Variants in CDH13 observed in about 807,000 individuals in gnomAD.
CDH13 encodes cadherin-13.
In CDH13, 24 loss-of-function variants were observed where a neutral mutation model predicts 63.8. The observed-to-expected ratio is 0.38, with a 90% confidence interval of 0.27 to 0.53. CDH13 has a LOEUF of 0.53. Ranked by LOEUF, CDH13 falls within the 20% of genes least tolerant of loss-of-function variation. CDH13 has a pLI of 0.85. For synonymous variants in CDH13, 503 were observed against 355.3 expected (o/e 1.42, Z -4.67); for missense variants, 1,049 against 903.1 (o/e 1.16, Z -2.07).
intron 5 of CDH13, among the ~76,000 whole-genome samples, chr16:83,238,508 G>A (rs1334365349): frequency 1.3e-5 from 2 of 152,200 alleles, no homozygotes; most frequent in Non-Finnish European, 2.9e-5. Context: ...ATTTGGGTCA[G>A]GACACAGCCA....
At chr16:83,115,337 T>A (rs1348768022) in intron 3 of CDH13, among the ~76,000 whole-genome samples, 1 of 152,198 alleles carries the variant, frequency 6.6e-6, no homozygotes. Flanking sequence ...GCACTGTGCC[T>A]GGCATGTAAT....
At chr16:83,725,410 TCCA>T (rs1198787426) in intron 10 of CDH13, 1 of 152,342 alleles carries the variant, frequency 6.6e-6, no homozygotes, top group African/African-American at 2.4e-5. Flanking sequence ...TACCTCTGTC[TCCA>T]CCTCCTCCAG....
chr16:82,856,650 C>A (rs2039708912), intron 1 of CDH13, among the ~76,000 whole-genome samples: 1 of 115,806 alleles, frequency 8.6e-6, no homozygotes, highest in African/African-American at 3.4e-5. Flanking sequence ...TGCAGTGAGC[C>A]ACAGTTGCAC....
At chr16:83,008,613 T>A (rs1216403734) in intron 2 of CDH13, among the ~76,000 whole-genome samples, 4 of 152,170 alleles carry the variant, frequency 2.6e-5, no homozygotes, top group Non-Finnish European at 5.9e-5. Flanking sequence ...ATGTTATACT[T>A]GGACCTTTGC....
intron 10 of CDH13, among the ~76,000 whole-genome samples, chr16:83,701,665 C>T (rs1045041959): frequency 1.1e-4 from 16 of 152,176 alleles, no homozygotes; most frequent in African/African-American, 3.9e-4. Flanking sequence ...CCCAACAACC[C>T]CTGCGCCCTT....
At chr16:83,562,712 T>C (rs1247641629) in intron 7 of CDH13, among the ~76,000 whole-genome samples, 1 of 152,254 alleles carries the variant, frequency 6.6e-6, no homozygotes, top group Non-Finnish European at 1.5e-5. Context: ...GGTTTCTGCC[T>C]GTCTATTTTG....
rs2089915688 is a variant in CDH13 at position 83,307,900 on chromosome 16, A to G, written c.637-36962A>G. ...TGGCAGCACTTCCATGCTGAGATCT[A>G]TGAAGTATAGATTATACATTTCCAT... On this transcript the variant is annotated intron_variant, in intron 5 of 13. Transcript: ENST00000567109. Among the ~76,000 whole-genome samples the G allele has an allele frequency of 2.0e-5, 3 of 152,176 alleles. No homozygotes were observed. The South Asian group carries it at 6.2e-4, about 31-fold the overall frequency.
At chr16:83,021,614 A>G (rs923277552) in intron 2 of CDH13, among the ~76,000 whole-genome samples, 1 of 152,222 alleles carries the variant, frequency 6.6e-6, no homozygotes, top group African/African-American at 2.4e-5. Flanking sequence ...ATCATTCATT[A>G]TGATATCTTC....
intron 6 of CDH13, among the ~76,000 whole-genome samples, chr16:83,480,122 C>G (rs191730135): frequency 3.5e-4 from 53 of 152,246 alleles, no homozygotes; most frequent in Non-Finnish European, 5.7e-4. Context: ...TCCAGGGGTT[C>G]AAGACCAGCC....
intron 4 of CDH13, among the ~76,000 whole-genome samples, chr16:83,144,215 T>C (rs1271061198): frequency 3.3e-5 from 5 of 152,150 alleles, no homozygotes; most frequent in Non-Finnish European, 7.4e-5. Context: ...GTTTCTCCCA[T>C]GAGGAAGTGA....
intron 4 of CDH13, among the ~76,000 whole-genome samples, chr16:83,215,058 G>C (rs561399447): frequency 3.5e-5 from 4 of 115,318 alleles, no homozygotes; most frequent in Non-Finnish European, 6.9e-5. Flanking sequence ...TTTCATCAGA[G>C]AGTATCAAAC....
chr16:82,977,175 G>A (rs1909633521), intron 2 of CDH13, among the ~76,000 whole-genome samples: 2 of 152,226 alleles, frequency 1.3e-5, no homozygotes, highest in South Asian at 2.1e-4. Flanking sequence ...ATTGCCCTTG[G>A]CCCTGCTCTC....
At chr16:83,004,250 G>C (rs1913243994) in intron 2 of CDH13, among the ~76,000 whole-genome samples, 1 of 152,146 alleles carries the variant, frequency 6.6e-6, no homozygotes, top group Non-Finnish European at 1.5e-5. Context: ...AGGGAAGCAG[G>C]AGGAAAGGGT....
At chr16:82,791,397 A>T (rs2126368) in intron 1 of CDH13, among the ~76,000 whole-genome samples, 1 of 152,034 alleles carries the variant, frequency 6.6e-6, no homozygotes, top group Admixed American at 6.5e-5. Flanking sequence ...GTAAAGAAGT[A>T]GTCAAATCAT....
intron 11 of CDH13, among the ~76,000 whole-genome samples, chr16:83,756,682 C>T (rs552906433): frequency 6.6e-6 from 1 of 152,208 alleles, no homozygotes; most frequent in South Asian, 2.1e-4. Flanking sequence ...AAACAAGAAA[C>T]ATGACAAGAG....
chr16:83,646,176 C>T (rs1363997110), intron 8 of CDH13, among the ~76,000 whole-genome samples: 1 of 152,096 alleles, frequency 6.6e-6, no homozygotes, highest in Non-Finnish European at 1.5e-5. Context: ...GGGTCTGAAT[C>T]CCATCTCTCC....
intron 7 of CDH13, among the ~76,000 whole-genome samples, chr16:83,499,018 T>G (rs1175659079): frequency 1.3e-5 from 2 of 152,228 alleles, no homozygotes; most frequent in Non-Finnish European, 2.9e-5. Flanking sequence ...CTTTTTAAAG[T>G]ACCCCTAGTG....
rs943115165 is a variant in CDH13, at chr16:82,782,760, C to A, written c.46-75602C>A. 2.0e-5 allele frequency among the ~76,000 whole-genome samples: 3 copies of A among 152,186 alleles called. No individual in the cohort carries two copies. In the East Asian group the frequency reaches 5.8e-4, roughly 29 times the overall value. ...CAAGCACATGCTGGAATCCGGCCTT[C>A]TGTCTGCCTTACTCCCGCTGCTGGT... On this transcript the variant is annotated intron_variant, in intron 1 of 13. Coordinates refer to ENST00000567109, the MANE Select transcript of CDH13 (RefSeq NM_001257.5).
At chr16:83,284,462 C>T (rs930625397) in intron 5 of CDH13, among the ~76,000 whole-genome samples, 2 of 152,064 alleles carry the variant, frequency 1.3e-5, no homozygotes, top group Non-Finnish European at 2.9e-5. Flanking sequence ...ACTTAGTGAA[C>T]TCTCAAAAAA....
Sources: gnomAD v4.1 joint callset for allele counts (sites outside exome capture counted in the v4.1 genomes callset) on GRCh38, gnomAD v4.1.1 for gene constraint, MANE v1.5 for transcripts, NCBI Gene and HGNC (gene_info 2026-07-23, HGNC 2026-07-21) for gene names.